AMPH: variants seen among roughly 807,000 people sequenced by gnomAD.
AMPH encodes amphiphysin (Stiff-Mann syndrome with breast cancer 128kD autoantigen).
In AMPH, 49 loss-of-function variants were observed where a neutral mutation model predicts 99.1. The observed-to-expected ratio is 0.49, with a 90% confidence interval of 0.39 to 0.63. The LOEUF is 0.63. Ranked by LOEUF, AMPH falls within the 20% of genes least tolerant of loss-of-function variation. The pLI is 0.00. For synonymous variants in AMPH, 314 were observed against 317.3 expected (o/e 0.99, Z 0.11); for missense variants, 759 against 863.4 (o/e 0.88, Z 1.52).
intron 1 of AMPH, among the ~76,000 whole-genome samples, chr7:38,554,435 C>A (rs1226505047): frequency 6.6e-6 from 1 of 152,010 alleles, no homozygotes; most frequent in Non-Finnish European, 1.5e-5. Flanking sequence ...TATCAAAATC[C>A]CTTAAAATGT....
At chr7:38,430,636 GC>G (rs1347724456) in intron 13 of AMPH, among the ~76,000 whole-genome samples, 1 of 152,168 alleles carries the variant, frequency 6.6e-6, no homozygotes, top group African/African-American at 2.4e-5. Context: ...ACAAAAAATA[GC>G]ATTGTCTTTT....
At chr7:38,462,123 T>C (rs1001214814) in intron 10 of AMPH, among the ~76,000 whole-genome samples, 1 of 152,216 alleles carries the variant, frequency 6.6e-6, no homozygotes, top group Non-Finnish European at 1.5e-5. Flanking sequence ...CAGTGTACTA[T>C]AGTCAGTAAA....
intron 17 of AMPH, among the ~76,000 whole-genome samples, chr7:38,406,720 CTCTCCCTT>C (rs1784999832): frequency 8.8e-6 from 1 of 113,658 alleles, no homozygotes; most frequent in East Asian, 3.3e-4. Context: ...TCTCCTCTCT[CTCTCCCTT>C]TCCCTCTCTC....
Position 38,519,744 on chromosome 7 carries a change from A to G in AMPH, c.150+15187T>C, listed in dbSNP as rs538172100. Among the ~76,000 whole-genome samples the G allele has an allele frequency of 3.3e-5, 5 of 152,318 alleles. No individual in the cohort carries two copies. The East Asian group carries it at 9.7e-4, about 29-fold the overall frequency. ...TGTAGTCCAGGTTAGGATCAAGCCC[A>G]GGCCATGTCAGGCATTCTCCAATGG... On this transcript the variant is annotated intron_variant, in intron 2 of 20. Coordinates refer to ENST00000356264, the MANE Select transcript of AMPH (RefSeq NM_001635.4).
chr7:38,401,826 G>T (rs1416592446), intron 17 of AMPH, among the ~76,000 whole-genome samples: 1 of 152,028 alleles, frequency 6.6e-6, no homozygotes, highest in East Asian at 1.9e-4. Flanking sequence ...TCCACATGCA[G>T]GAATTCCATC....
At chr7:38,530,096 T>C (rs145391104) in intron 2 of AMPH, among the ~76,000 whole-genome samples, 2 of 152,338 alleles carry the variant, frequency 1.3e-5, no homozygotes, top group East Asian at 3.9e-4. Context: ...AGGAATGCAC[T>C]CAAAGTGATA....
intron 14 of AMPH, 60 bp downstream of exon 14, chr7:38,429,782 T>C: frequency 6.7e-7 from 1 of 1,495,666 alleles, no homozygotes; most frequent in African/African-American, 1.4e-5. Context: ...GAAAATATAC[T>C]ATGTATGTAA....
At chr7:38,568,604 T>C (rs1791831305) in intron 1 of AMPH, among the ~76,000 whole-genome samples, 1 of 152,252 alleles carries the variant, frequency 6.6e-6, no homozygotes, top group Non-Finnish European at 1.5e-5. Flanking sequence ...ACGGTTACTA[T>C]GACTATACTA....
At chr7:38,548,961 A>G (rs1313804201) in intron 1 of AMPH, among the ~76,000 whole-genome samples, 1 of 152,210 alleles carries the variant, frequency 6.6e-6, no homozygotes, top group Non-Finnish European at 1.5e-5. Flanking sequence ...CATGTTGAAC[A>G]TGCCTGGTTC....
chr7:38,520,781 T>A (rs1159473374), intron 2 of AMPH, among the ~76,000 whole-genome samples: 1 of 152,176 alleles, frequency 6.6e-6, no homozygotes, highest in African/African-American at 2.4e-5. Flanking sequence ...TCAAATCATA[T>A]GGAAGTAGCT....
chr7:38,409,969 C>T (rs1200374121), intron 17 of AMPH, among the ~76,000 whole-genome samples: 2 of 152,172 alleles, frequency 1.3e-5, no homozygotes, highest in African/African-American at 4.8e-5. Flanking sequence ...ACGTAAATAC[C>T]ATGTATTGTT....
chr7:38,445,051 G>GGTATATACATATATAC, intron 11 of AMPH, among the ~76,000 whole-genome samples: 1 of 142,782 alleles, frequency 7.0e-6, no homozygotes, highest in African/African-American at 2.6e-5. Flanking sequence ...TACATATATA[G>GGTATATACATATATAC]ATGGTATATA....
chr7:38,525,271 T>TAGAGAGAG (rs1260420807), intron 2 of AMPH, among the ~76,000 whole-genome samples: 2 of 71,338 alleles, frequency 2.8e-5, no homozygotes, highest in Non-Finnish European at 2.9e-5. Flanking sequence ...TATATATATA[T>TAGAGAGAG]ATATATAGAG....
rs758026337 is a variant in AMPH, at chr7:38,384,828, C to T, written c.2078G>A (p.Arg693His). The T allele has an allele frequency of 1.7e-5, 28 of 1,613,688 alleles. No homozygotes were observed. Among genetic ancestry groups the T allele is most frequent in the African/African-American group, 5.3e-5 (4 of 74,888 alleles). Residue 693 changes from arginine to histidine, a missense_variant, in exon 21 of 21, where the codon CGC becomes CAC. Arg to His is a conservative substitution (Grantham distance 29). Coordinates refer to ENST00000356264, the MANE Select transcript of AMPH (RefSeq NM_001635.4). ...GCAGTACTTGTTGCCCTAATCTAAG[C>T]GTCGGGTGAAGTTCTCTGGAAAGAG... is the stretch of plus-strand genomic sequence containing the variant. ...KGLFPENFTR[R>H]LD
chr7:38,387,385 GAC>G (rs1359124755), intron 20 of AMPH, among the ~76,000 whole-genome samples: 1 of 152,112 alleles, frequency 6.6e-6, no homozygotes, highest in Non-Finnish European at 1.5e-5. Context: ...TAAATTGAGA[GAC>G]AGTAATAATG....
At chr7:38,518,944 CT>C (rs1191779196) in intron 2 of AMPH, among the ~76,000 whole-genome samples, 1 of 152,218 alleles carries the variant, frequency 6.6e-6, no homozygotes, top group Non-Finnish European at 1.5e-5. Flanking sequence ...GAGGCAGGAT[CT>C]TTAAGAGATG....
chr7:38,401,452 A>C (rs1377812933), intron 17 of AMPH, among the ~76,000 whole-genome samples: 1 of 152,214 alleles, frequency 6.6e-6, no homozygotes, highest in Non-Finnish European at 1.5e-5. Flanking sequence ...CTTCCAGTCA[A>C]TTGCAATATA....
At chr7:38,431,797 T>G in intron 13 of AMPH, among the ~76,000 whole-genome samples, 2 of 152,358 alleles carry the variant, frequency 1.3e-5, no homozygotes, top group South Asian at 4.1e-4. Context: ...CACTTTTTTT[T>G]AAAATGGTAC....
intron 9 of AMPH, among the ~76,000 whole-genome samples, chr7:38,464,671 T>G (rs1012432823): frequency 8.5e-5 from 13 of 152,084 alleles, no homozygotes; most frequent in Admixed American, 3.9e-4. Context: ...TTTTTTCTAT[T>G]GAATTAAAAA....
Sources: gnomAD v4.1 joint callset for allele counts (sites outside exome capture counted in the v4.1 genomes callset) on GRCh38, gnomAD v4.1.1 for gene constraint, MANE v1.5 for transcripts, NCBI Gene and HGNC (gene_info 2026-07-23, HGNC 2026-07-21) for gene names.